Variants in RBM26 observed in about 807,000 individuals in gnomAD.
RBM26 encodes RNA-binding protein 26.
A neutral mutation model predicts 123.6 loss-of-function variants in RBM26; 30 were observed. That is an observed-to-expected ratio of 0.24 (90% CI 0.18 to 0.33). The LOEUF (loss-of-function observed/expected upper bound fraction) is 0.33, where lower values mean the gene tolerates loss of function less well. Among genes scored for constraint, RBM26 ranks in the 10% least tolerant of loss-of-function variants. The probability of loss-of-function intolerance (pLI) is 1.00; values close to 1 mark genes in which losing one functional copy is unlikely to be tolerated. For synonymous variants in RBM26, 400 were observed against 404.4 expected (o/e 0.99, Z 0.13); for missense variants, 947 against 1,203.6 (o/e 0.79, Z 3.15).
At chr13:79,333,956 A>G (rs1215996353) in intron 20 of RBM26, among the ~76,000 whole-genome samples, 2 of 152,156 alleles carry the variant, frequency 1.3e-5, no homozygotes, top group East Asian at 3.9e-4. Context: ...ATGGGCAGAC[A>G]TTAGAACTGC....
At chr13:79,378,530 C>T (rs180797865) in intron 2 of RBM26, among the ~76,000 whole-genome samples, 1 of 152,276 alleles carries the variant, frequency 6.6e-6, no homozygotes, top group East Asian at 1.9e-4. Flanking sequence ...ACCTCTGCCT[C>T]CCAGGTTCAA....
intron 20 of RBM26, among the ~76,000 whole-genome samples, chr13:79,325,275 C>T (rs1036405363): frequency 5.9e-5 from 9 of 152,098 alleles, no homozygotes; most frequent in African/African-American, 1.7e-4. Flanking sequence ...TATAAAACAG[C>T]CTCAGGCAGT....
intron 10 of RBM26, 103 bp downstream of exon 10, chr13:79,359,472 G>A (rs991719189): frequency 1.6e-6 from 1 of 612,470 alleles, no homozygotes; most frequent in Non-Finnish European, 2.9e-6. Context: ...ACAGAACAGA[G>A]TAACATTTTT....
chr13:79,324,070 A>G (rs1352225301), intron 20 of RBM26, among the ~76,000 whole-genome samples: 1 of 151,766 alleles, frequency 6.6e-6, no homozygotes, highest in African/African-American at 2.4e-5. Context: ...CACCCATTTC[A>G]CTTTTTACAA....
chr13:79,366,394 G>A (rs2274554), intron 7 of RBM26, among the ~76,000 whole-genome samples, 199 bp from the exon 8 acceptor site: 60,434 of 151,972 alleles, frequency 0.4, 12,193 homozygotes, highest in East Asian at 0.53. Context: ...ATGAAGGCCT[G>A]CAGGCAGCTG....
At chr13:79,387,004 T>C (rs1004527403) in intron 1 of RBM26, among the ~76,000 whole-genome samples, 1 of 152,204 alleles carries the variant, frequency 6.6e-6, no homozygotes, top group South Asian at 2.1e-4. Flanking sequence ...TGGTTATATA[T>C]GTTAGAGATT....
downstream of RBM26, chr13:79,318,791 C>T (rs952592357): frequency 2.0e-6 from 2 of 983,626 alleles, no homozygotes; most frequent in Non-Finnish European, 2.4e-6. Context: ...ATTTAACTGG[C>T]CTTTGAAAGA....
At chr13:79,375,477 T>C (rs926201469) in intron 3 of RBM26, among the ~76,000 whole-genome samples, 8 of 152,104 alleles carry the variant, frequency 5.3e-5, no homozygotes, top group Admixed American at 3.9e-4. Context: ...AGCCAAAGTA[T>C]AATTTTTCAC....
chr13:79,351,221 G>GC (rs1473037077), intron 14 of RBM26, among the ~76,000 whole-genome samples: 1 of 152,048 alleles, frequency 6.6e-6, no homozygotes. Context: ...ATATAACTGA[G>GC]CATTTTAGAT....
intron 6 of RBM26, 137 bp downstream of exon 6, chr13:79,368,593 G>T: frequency 1.4e-6 from 1 of 706,506 alleles, no homozygotes; most frequent in Non-Finnish European, 2.4e-6. Context: ...ATCATATTGA[G>T]GAATTCAAAA....
At chr13:79,329,602 A>C (rs547348513) in intron 20 of RBM26, among the ~76,000 whole-genome samples, 1 of 152,284 alleles carries the variant, frequency 6.6e-6, no homozygotes, top group Non-Finnish European at 1.5e-5. Flanking sequence ...CTCAGGAGCC[A>C]ACCTGTAGTC....
rs577564644 is a variant in RBM26 at position 79,383,692 on chromosome 13, A to G, written c.72-4785T>C. On this transcript the variant is annotated intron_variant, in intron 1 of 21. Coordinates refer to ENST00000438737, the MANE Select transcript of RBM26 (RefSeq NM_001366735.2). ...TGGGGGGTGGGGGGAACCAATATGC[A>G]TATTACACAAACATACGTTTATAGT... is the stretch of plus-strand genomic sequence containing the variant. Among the ~76,000 whole-genome samples the G allele has an allele frequency of 6.6e-5, 10 of 152,270 alleles. No individual in the cohort carries two copies. In the East Asian group the frequency reaches 1.2e-3, roughly 18 times the overall value.
At chr13:79,315,230 CAA>C (rs2067035638), downstream of RBM26, among the ~76,000 whole-genome samples, 1 of 151,720 alleles carries the variant, frequency 6.6e-6, no homozygotes, top group South Asian at 2.1e-4. Flanking sequence ...TCACAGCATA[CAA>C]CATATCTATG....
chr13:79,364,016 G>C (rs1388479890), intron 9 of RBM26, among the ~76,000 whole-genome samples: 1 of 152,098 alleles, frequency 6.6e-6, no homozygotes, highest in Admixed American at 6.5e-5. Flanking sequence ...TAGCCAGGTG[G>C]GAGACAGGTT....
chr13:79,395,397 G>C (rs2078466352), intron 1 of RBM26, among the ~76,000 whole-genome samples: 1 of 152,072 alleles, frequency 6.6e-6, no homozygotes, highest in Non-Finnish European at 1.5e-5. Context: ...TAAAAAATCT[G>C]AATCAGAAAT....
chr13:79,400,469 A>G (rs2078969056), intron 1 of RBM26, among the ~76,000 whole-genome samples: 1 of 152,210 alleles, frequency 6.6e-6, no homozygotes, highest in South Asian at 2.1e-4. Flanking sequence ...TAATCCAATC[A>G]ACAAAGGCAG....
intron 17 of RBM26, 127 bp downstream of exon 17, chr13:79,342,537 A>G (rs527949896): frequency 3.8e-4 from 237 of 625,502 alleles, no homozygotes; most frequent in East Asian, 9.2e-4. Context: ...TGGCAGGGGG[A>G]GAATGGTACA....
chr13:79,402,795 A>T (rs1052723866), intron 1 of RBM26, among the ~76,000 whole-genome samples: 1 of 152,164 alleles, frequency 6.6e-6, no homozygotes, highest in Non-Finnish European at 1.5e-5. Flanking sequence ...TGATGTTCCC[A>T]GACTTCAACA....
intron 14 of RBM26, 109 bp from the exon 15 acceptor site, chr13:79,344,903 A>C (rs1411365996): frequency 1.1e-6 from 1 of 947,034 alleles, no homozygotes; most frequent in Non-Finnish European, 1.6e-6. Context: ...GCTTCAAAAC[A>C]CACTGAACTA....
Sources: allele counts gnomAD v4.1 joint callset (sites outside exome capture counted in the v4.1 genomes callset), GRCh38; gene constraint gnomAD v4.1.1; transcripts MANE v1.5; gene names NCBI Gene and HGNC (gene_info 2026-07-23, HGNC 2026-07-21).